Variants in PLXDC2 observed in about 807,000 individuals in gnomAD.
PLXDC2 encodes plexin domain-containing protein 2.
In PLXDC2, 40 loss-of-function variants were observed where a neutral mutation model predicts 68.9. That is an observed-to-expected ratio of 0.58 (90% CI 0.45 to 0.76). PLXDC2 has a LOEUF of 0.76. Ranked by LOEUF, PLXDC2 falls within the 30% of genes least tolerant of loss-of-function variation. The pLI is 0.00. For synonymous variants in PLXDC2, 243 were observed against 234.2 expected (o/e 1.04, Z -0.34); for missense variants, 644 against 661.9 (o/e 0.97, Z 0.30).
At chr10:20,237,714 A>G (rs895754332) in intron 12 of PLXDC2, among the ~76,000 whole-genome samples, 6 of 152,208 alleles carry the variant, frequency 3.9e-5, no homozygotes, top group African/African-American at 1.4e-4. Flanking sequence ...TTTATTCTGA[A>G]GCTTTAAAAG....
chr10:20,213,613 A>G (rs1835098555), intron 10 of PLXDC2, among the ~76,000 whole-genome samples: 1 of 152,154 alleles, frequency 6.6e-6, no homozygotes, highest in Non-Finnish European at 1.5e-5. Context: ...ATTATGAATT[A>G]GATCACATTT....
At chr10:19,931,226 A>G (rs1162297642) in intron 1 of PLXDC2, among the ~76,000 whole-genome samples, 2 of 152,270 alleles carry the variant, frequency 1.3e-5, no homozygotes, top group African/African-American at 2.4e-5. Flanking sequence ...TGGACTCTTC[A>G]GAAGTCCTGA....
At chr10:20,036,095 T>G (rs1229812510) in intron 2 of PLXDC2, among the ~76,000 whole-genome samples, 1 of 152,204 alleles carries the variant, frequency 6.6e-6, no homozygotes, top group Non-Finnish European at 1.5e-5. Flanking sequence ...GGGGCTTTTT[T>G]ATAAATCCAA....
intron 4 of PLXDC2, among the ~76,000 whole-genome samples, chr10:20,133,573 C>G (rs1467699823): frequency 6.6e-6 from 1 of 152,130 alleles, no homozygotes; most frequent in Non-Finnish European, 1.5e-5. Flanking sequence ...CCCTGGTAGC[C>G]TTACAGACCT....
intron 1 of PLXDC2, among the ~76,000 whole-genome samples, chr10:19,879,054 C>T (rs1233423535): frequency 1.3e-5 from 2 of 152,122 alleles, no homozygotes; most frequent in Non-Finnish European, 1.5e-5. Context: ...AGTAAGTGGT[C>T]TTGTCTCTGC....
intron 4 of PLXDC2, among the ~76,000 whole-genome samples, chr10:20,102,814 G>T (rs1833440105): frequency 1.3e-5 from 2 of 152,152 alleles, no homozygotes; most frequent in Admixed American, 6.5e-5. Flanking sequence ...GCGGCTGGAG[G>T]TATAATTTTA....
At chr10:19,944,323 T>G (rs890603346) in intron 1 of PLXDC2, among the ~76,000 whole-genome samples, 4 of 151,868 alleles carry the variant, frequency 2.6e-5, no homozygotes, top group Non-Finnish European at 4.4e-5. Context: ...ATCTTCAGAG[T>G]ATATATGAAT....
At position 20,242,437 on chromosome 10, in the gene PLXDC2, C is replaced by G. The variant is rs1279249667; in HGVS notation, c.1313-2908C>G. Among the ~76,000 whole-genome samples the G allele has an allele frequency of 2.0e-5, 3 of 152,132 alleles. No individual in the cohort carries two copies. In the East Asian group the frequency reaches 5.8e-4, roughly 29 times the overall value. On this transcript the variant is annotated intron_variant, in intron 12 of 13. Transcript: ENST00000377252. ...TAAATGTGGAATTCTCACATCAACC[C>G]TATGGGGTAATTACTGTTATTGACT...
At position 20,031,805 on chromosome 10, in the gene PLXDC2, ATTATTTATTTATTTAT is replaced by A. The variant is rs144152981; in HGVS notation, c.325-15046_325-15031del. Reference sequence around the variant, plus strand: ...GGACACAATACAGGAAGTTGTTTTTATTATTTATTTATTTATTTATTTATTTATTTATTATTTTGAG... The same window carrying A: ...GGACACAATACAGGAAGTTGTTTTTATTATTTATTTATTTATTATTTTGAG... On this transcript the variant is annotated intron_variant, in intron 2 of 13. Coordinates refer to ENST00000377252, the MANE Select transcript of PLXDC2 (RefSeq NM_032812.9). 1.7e-4 allele frequency among the ~76,000 whole-genome samples: 25 copies of A among 148,272 alleles called. 1 individual carries two copies. The highest frequency in any genetic ancestry group is 4.5e-4 in the African/African-American group (18 of 40,342).
At chr10:20,205,275 G>A (rs1834976154) in intron 9 of PLXDC2, among the ~76,000 whole-genome samples, 1 of 152,030 alleles carries the variant, frequency 6.6e-6, no homozygotes, top group African/African-American at 2.4e-5. Context: ...ATGGAAATTA[G>A]TATAATTAAT....
chr10:19,835,554 C>T (rs1836774175), intron 1 of PLXDC2, among the ~76,000 whole-genome samples: 11 of 152,044 alleles, frequency 7.2e-5, no homozygotes, highest in Admixed American at 7.2e-4. Context: ...TTCAGGATGT[C>T]AAATCATCGA....
At chr10:20,164,680 C>T (rs757546776) in intron 7 of PLXDC2, 113 bp downstream of exon 7, 149 of 772,574 alleles carry the variant, frequency 1.9e-4, no homozygotes, top group Non-Finnish European at 3.2e-4. Context: ...AATCGATTAG[C>T]TGATTAATGC....
At position 19,952,134 on chromosome 10, in the gene PLXDC2, T is replaced by A. The variant is rs76399917; in HGVS notation, c.113-49641T>A. Among the ~76,000 whole-genome samples the A allele has an allele frequency of 7.5e-3, 1,140 of 152,274 alleles. 14 individuals are homozygous for A. Among genetic ancestry groups the A allele is most frequent in the African/African-American group, 0.025 (1,039 of 41,542 alleles). ...GTAGCAATCCTGCACATGTACTCCC[T>A]GAATCTAAAATAAAAGTTGGAATTA... On this transcript the variant is annotated intron_variant, in intron 1 of 13. Transcript: ENST00000377252.
rs532297414 is a variant in PLXDC2 at position 20,181,028 on chromosome 10, T to C, written c.1061+3619T>C. On this transcript the variant is annotated intron_variant, in intron 9 of 13. Transcript: ENST00000377252. ...AATCACTTCCCAAGGAGAGCTTTCA[T>C]TTTGGTATACGGAGACAGAGTTTAA... is the stretch of plus-strand genomic sequence containing the variant. Among the ~76,000 whole-genome samples the C allele has an allele frequency of 4.6e-5, 7 of 152,146 alleles. No individual in the cohort carries two copies. In the South Asian group the frequency reaches 1.5e-3, roughly 32 times the overall value.
At position 20,217,052 on chromosome 10, in the gene PLXDC2, T is replaced by C. The variant is rs1304867800; in HGVS notation, c.1123-374T>C. 3.3e-5 allele frequency among the ~76,000 whole-genome samples: 5 copies of C among 152,374 alleles called. No individual in the cohort carries two copies. The South Asian group carries it at 8.3e-4, about 25-fold the overall frequency. On this transcript the variant is annotated intron_variant, in intron 10 of 13. Coordinates refer to ENST00000377252, the MANE Select transcript of PLXDC2 (RefSeq NM_032812.9). ...CACTTTTTCTCCACAAACCTGAGTA[T>C]GTTTTAAACCTTATCTTTATGCACC...
intron 5 of PLXDC2, among the ~76,000 whole-genome samples, chr10:20,146,488 T>TTCTTTTTCC (rs1554769785): frequency 1.1e-4 from 9 of 81,338 alleles, no homozygotes; most frequent in Admixed American, 8.5e-4. Context: ...TTCTTTTCTT[T>TTCTTTTTCC]TTCCTTCCTT....
At chr10:19,862,818 T>C (rs1472416363) in intron 1 of PLXDC2, among the ~76,000 whole-genome samples, 1 of 152,186 alleles carries the variant, frequency 6.6e-6, no homozygotes, top group Non-Finnish European at 1.5e-5. Flanking sequence ...ATGTTTCTTT[T>C]CATTGCCGTG....
At position 19,845,883 on chromosome 10, in the gene PLXDC2, A is replaced by G. The variant is rs556692520; in HGVS notation, c.112+28692A>G. On this transcript the variant is annotated intron_variant, in intron 1 of 13. Transcript: ENST00000377252. The stretch of plus-strand genomic sequence containing the variant: ...GTTACCATAGTAATGGTAAATTGGC[A>G]TGCCATACTAGTGGGCCTGATTTAA... 2.0e-5 allele frequency among the ~76,000 whole-genome samples: 3 copies of G among 152,302 alleles called. No homozygotes were observed. In the South Asian group the frequency reaches 6.2e-4, roughly 32 times the overall value.
intron 13 of PLXDC2, among the ~76,000 whole-genome samples, chr10:20,263,123 G>C (rs1835829764): frequency 6.6e-6 from 1 of 152,222 alleles, no homozygotes; most frequent in Non-Finnish European, 1.5e-5. Context: ...CAAGGCTACA[G>C]TGAGCAAAAC....
Sources: gnomAD v4.1 joint callset for allele counts (sites outside exome capture counted in the v4.1 genomes callset) on GRCh38, gnomAD v4.1.1 for gene constraint, MANE v1.5 for transcripts, NCBI Gene and HGNC (gene_info 2026-07-23, HGNC 2026-07-21) for gene names.